PPP1R37: variants seen among roughly 807,000 people sequenced by gnomAD.
PPP1R37 encodes leucine rich repeat containing 68.
A neutral mutation model predicts 61.0 loss-of-function variants in PPP1R37; 21 were observed. The observed-to-expected ratio is 0.34, with a 90% CI of 0.24 to 0.50. The LOEUF is 0.50. Among genes scored for constraint, PPP1R37 ranks in the 20% least tolerant of loss-of-function variants. The probability of loss-of-function intolerance (pLI) is 0.98; values close to 1 mark genes in which losing one functional copy is unlikely to be tolerated. For missense variants in PPP1R37, 910 were observed against 952.7 expected, an observed-to-expected ratio of 0.96 and a Z score of 0.59; for synonymous variants, 443 against 433.5, an observed-to-expected ratio of 1.02 and a Z score of -0.27.
intron 1 of PPP1R37, among the ~76,000 whole-genome samples, chr19:45,133,256 G>C (rs1234008429): frequency 6.6e-6 from 1 of 152,112 alleles, no homozygotes; most frequent in Non-Finnish European, 1.5e-5. Flanking sequence ...GCTAATTTTT[G>C]TATTTTTAGT....
intron 1 of PPP1R37, among the ~76,000 whole-genome samples, chr19:45,126,284 G>A (rs975176457): frequency 2.0e-5 from 3 of 152,216 alleles, no homozygotes; most frequent in Non-Finnish European, 4.4e-5. Context: ...TGTAACATAC[G>A]GTTCTGGAGG....
chr19:45,145,430 G>A lies in PPP1R37; in HGVS notation c.1374G>A (p.Ala458=), dbSNP rs1425915740. 5.9e-6 allele frequency: 9 copies of A among 1,535,342 alleles called. No homozygotes were observed. The highest frequency in any genetic ancestry group is 1.7e-4 in the Middle Eastern group (1 of 5,940). The change falls in exon 11 of 13, where the codon GCG becomes GCA. Residue 458 remains alanine (A), a synonymous_variant. Transcript: ENST00000221462. The part of the protein sequence containing the change: ...QNGCKRNLVL[A]REREEKEQPP... ...GCTGCAAGCGCAACTTGGTGCTGGC[G>A]CGGGAGAGGGAGGAGAAGGAGCAGC... is the stretch of plus-strand genomic sequence containing the variant.
At chr19:45,136,660 C>A (rs555819986) in intron 1 of PPP1R37, among the ~76,000 whole-genome samples, 5 of 152,316 alleles carry the variant, frequency 3.3e-5, no homozygotes, top group East Asian at 1.9e-4. Flanking sequence ...GCCTCCACCC[C>A]CAAGGAGGAG....
chr19:45,106,568 C>A (rs138808347), intron 1 of PPP1R37, among the ~76,000 whole-genome samples: 3 of 151,130 alleles, frequency 2.0e-5, no homozygotes, highest in Non-Finnish European at 4.4e-5. Context: ...TGAGGTCTTC[C>A]TCTGTCGCCC....
At chr19:45,126,362 C>A (rs775100601) in intron 1 of PPP1R37, among the ~76,000 whole-genome samples, 1 of 152,112 alleles carries the variant, frequency 6.6e-6, no homozygotes, top group Non-Finnish European at 1.5e-5. Context: ...CTCACCAAGC[C>A]CTCCCTGGGA....
At chr19:45,117,586 G>T (rs1968285901) in intron 1 of PPP1R37, among the ~76,000 whole-genome samples, 1 of 152,106 alleles carries the variant, frequency 6.6e-6, no homozygotes, top group Non-Finnish European at 1.5e-5. Flanking sequence ...TCTACGGTGG[G>T]AGGTGATCTC....
At chr19:45,102,178 A>G (rs1968072759) in intron 1 of PPP1R37, among the ~76,000 whole-genome samples, 1 of 152,182 alleles carries the variant, frequency 6.6e-6, no homozygotes, top group South Asian at 2.1e-4. Context: ...AGAAAACTCT[A>G]CAGACCATCC....
chr19:45,094,056 T>G (rs1214288853), intron 1 of PPP1R37, among the ~76,000 whole-genome samples: 1 of 152,158 alleles, frequency 6.6e-6, no homozygotes, highest in Non-Finnish European at 1.5e-5. Flanking sequence ...TATAGAGGAC[T>G]TGGTAAAAAG....
At chr19:45,109,137 T>C (rs1156534070) in intron 1 of PPP1R37, among the ~76,000 whole-genome samples, 2 of 152,214 alleles carry the variant, frequency 1.3e-5, no homozygotes, top group Non-Finnish European at 2.9e-5. Flanking sequence ...TTTGCCTATT[T>C]TTATTTTGGG....
chr19:45,112,572 C>T (rs570409518), intron 1 of PPP1R37, among the ~76,000 whole-genome samples: 3 of 152,288 alleles, frequency 2.0e-5, no homozygotes, highest in Admixed American at 1.3e-4. Flanking sequence ...GGGGGCAATG[C>T]GAACAAGACT....
intron 1 of PPP1R37, among the ~76,000 whole-genome samples, chr19:45,097,791 G>GTCCT (rs1486722293): frequency 6.6e-6 from 1 of 152,060 alleles, no homozygotes; most frequent in Non-Finnish European, 1.5e-5. Flanking sequence ...AGCAGAGGCC[G>GTCCT]AAGTCCATCC....
chr19:45,124,734 G>T (rs893098469), intron 1 of PPP1R37, among the ~76,000 whole-genome samples: 6 of 151,680 alleles, frequency 4.0e-5, no homozygotes, highest in African/African-American at 1.5e-4. Flanking sequence ...GCTGGGGCAG[G>T]AGGATCACCT....
chr19:45,115,461 G>A (rs892841695), intron 1 of PPP1R37, among the ~76,000 whole-genome samples: 1 of 152,072 alleles, frequency 6.6e-6, no homozygotes, highest in African/African-American at 2.4e-5. Context: ...ACCCCAAACC[G>A]TGGCATGAAC....
At position 45,142,736 on chromosome 19, in the gene PPP1R37, G is replaced by A. The variant is rs372505468; in HGVS notation, c.874+278G>A. Reference sequence around the variant, plus strand: ...TCAGCTGACAGCCGCAGGATGAGGCGAAGTGAATAATTACAATCTGAAAAG... The same window carrying A: ...TCAGCTGACAGCCGCAGGATGAGGCAAAGTGAATAATTACAATCTGAAAAG... On this transcript the variant is annotated intron_variant, in intron 7 of 12. Coordinates refer to ENST00000221462, the MANE Select transcript of PPP1R37 (RefSeq NM_019121.2). 3.3e-5 allele frequency: 16 copies of A among 480,984 alleles called. No individual in the cohort carries two copies. The East Asian group carries it at 4.9e-4, about 15-fold the overall frequency. The allele number at this position is 480,984 out of a possible 1,614,324, so 29.8% of individuals were successfully genotyped here. A position where few individuals can be genotyped will look rare whatever the true frequency, so the allele number is the denominator to read the frequency against.
At chr19:45,096,953 C>T (rs1177783738) in intron 1 of PPP1R37, among the ~76,000 whole-genome samples, 1 of 148,334 alleles carries the variant, frequency 6.7e-6, no homozygotes, top group Non-Finnish European at 1.5e-5. Context: ...TGAGTTTGGA[C>T]AAAGGGATTT....
At chr19:45,116,057 CCTTGA>C (rs1968263485) in intron 1 of PPP1R37, among the ~76,000 whole-genome samples, 3 of 151,974 alleles carry the variant, frequency 2.0e-5, no homozygotes, top group Admixed American at 2.0e-4. Flanking sequence ...GGGATTAAGG[CCTTGA>C]CTTCCGCTTT....
chr19:45,115,703 A>G (rs1440363999), intron 1 of PPP1R37, among the ~76,000 whole-genome samples: 1 of 152,222 alleles, frequency 6.6e-6, no homozygotes, highest in African/African-American at 2.4e-5. Context: ...GGCCAGGCGC[A>G]GTGGCTCACA....
At chr19:45,129,103 C>T in intron 1 of PPP1R37, 2 of 575,388 alleles carry the variant, frequency 3.5e-6, no homozygotes, top group Non-Finnish European at 6.7e-6. Context: ...CTCTGGCCTT[C>T]TGTAGGCTGG....
chr19:45,103,554 G>A (rs542624328), intron 1 of PPP1R37, among the ~76,000 whole-genome samples: 35 of 151,598 alleles, frequency 2.3e-4, no homozygotes, highest in Non-Finnish European at 4.4e-4. Context: ...AACTGCTCGC[G>A]TCCTGTGCAG....
Sources: gnomAD v4.1 joint callset for allele counts (sites outside exome capture counted in the v4.1 genomes callset) on GRCh38, gnomAD v4.1.1 for gene constraint, MANE v1.5 for transcripts, NCBI Gene and HGNC (gene_info 2026-07-23, HGNC 2026-07-21) for gene names.